CEP57L1: variants seen among roughly 807,000 people sequenced by gnomAD.
CEP57L1 encodes the protein centrosomal protein 57 like 1, also known as centrosomal protein CEP57L1.
In CEP57L1, 37 loss-of-function variants were observed where a neutral mutation model predicts 61.0. That is an observed-to-expected ratio of 0.61 (90% CI 0.47 to 0.80). CEP57L1 has a LOEUF of 0.80. Ranked by LOEUF, CEP57L1 falls within the 30% of genes least tolerant of loss-of-function variation. The probability of loss-of-function intolerance (pLI) is 0.00; values close to 1 mark genes in which losing one functional copy is unlikely to be tolerated. For synonymous variants in CEP57L1, 137 were observed against 162.3 expected (o/e 0.84, Z 1.19); for missense variants, 422 against 524.7 (o/e 0.80, Z 1.91).
intron 5 of CEP57L1, among the ~76,000 whole-genome samples, 185 bp from the exon 6 acceptor site, chr6:109,155,045 A>C (rs1773077124): frequency 6.6e-6 from 1 of 152,086 alleles, no homozygotes; most frequent in Non-Finnish European, 1.5e-5. Context: ...TAAAGAAGCA[A>C]AGAAAGAAGT....
chr6:109,160,993 C>T (rs916063176), intron 10 of CEP57L1, among the ~76,000 whole-genome samples: 1 of 152,174 alleles, frequency 6.6e-6, no homozygotes, highest in African/African-American at 2.4e-5. Context: ...GCAGACTAAA[C>T]TTGCCTTAGC....
intron 1 of CEP57L1, among the ~76,000 whole-genome samples, chr6:109,118,332 A>G (rs775207038): frequency 1.5e-4 from 23 of 152,178 alleles, no homozygotes; most frequent in Admixed American, 6.6e-5. Context: ...CCTGGCCAGT[A>G]AAATATATTT....
At chr6:109,157,754 G>A (rs1773350441) in intron 7 of CEP57L1, 1 of 152,162 alleles carries the variant, frequency 6.6e-6, no homozygotes, top group African/African-American at 2.4e-5. Context: ...CTATAAACAG[G>A]AACTATTGAA....
chr6:109,172,009 G>A lies in CEP57L1; in HGVS notation c.*9039G>A, dbSNP rs1196298981. ...TTCAGGATCAGTGATTCACTGGAGGGACTCACAGAACTCAGAAAAGCTGTT... is the reference window on the plus strand; with the variant it reads ...TTCAGGATCAGTGATTCACTGGAGGAACTCACAGAACTCAGAAAAGCTGTT... On this transcript the variant is annotated 3_prime_UTR_variant, in exon 11 of 11. Transcript: ENST00000517392. Among the ~76,000 whole-genome samples the A allele has an allele frequency of 1.3e-5, 2 of 152,036 alleles. No individual in the cohort carries two copies. Among genetic ancestry groups the A allele is most frequent in the East Asian group, 3.9e-4 (2 of 5,192 alleles).
At chr6:109,128,147 T>C (rs1360484401) in intron 1 of CEP57L1, among the ~76,000 whole-genome samples, 1 of 152,118 alleles carries the variant, frequency 6.6e-6, no homozygotes. Context: ...TCACCTAACC[T>C]CCAGATTCAT....
At chr6:109,140,179 G>A (rs1329969741) in intron 1 of CEP57L1, among the ~76,000 whole-genome samples, 1 of 151,876 alleles carries the variant, frequency 6.6e-6, no homozygotes, top group African/African-American at 2.4e-5. Flanking sequence ...TGCAACCTCC[G>A]CCTTCCGGGT....
intron 1 of CEP57L1, among the ~76,000 whole-genome samples, chr6:109,138,201 C>T (rs752733916): frequency 7.2e-5 from 11 of 152,064 alleles, no homozygotes; most frequent in Non-Finnish European, 1.6e-4. Context: ...CTGAGTAAGA[C>T]GTGAAGCCAT....
In CEP57L1 at chr6:109,159,368, G is replaced by T. The variant is rs1217441983; in HGVS notation, c.922G>T (p.Ala308Ser). Reference sequence around the variant, plus strand: ...TTCTAGAACAACTTCCTGGTGTAAAGCTATTCCTCCTGACTCAGAAAAGTC... The same window carrying T: ...TTCTAGAACAACTTCCTGGTGTAAATCTATTCCTCCTGACTCAGAAAAGTC... Reference protein sequence around the residue: ...KPSRTTSWCKAIPPDSEKSIS... With the variant: ...KPSRTTSWCKSIPPDSEKSIS... Residue 308 changes from alanine (A) to serine (S), a missense_variant, in exon 9 of 11, where the codon GCT (alanine) becomes TCT (serine). Physicochemically the swap from Ala to Ser is moderately conservative, Grantham distance 99. Coordinates refer to ENST00000517392, the MANE Select transcript of CEP57L1 (RefSeq NM_001271852.3). 1.2e-6 allele frequency: 2 copies of T among 1,613,984 alleles called. No homozygotes were observed. The highest frequency in any genetic ancestry group is 1.7e-6 in the Non-Finnish European group (2 of 1,179,942).
In CEP57L1 at chr6:109,160,597, A is replaced by G; in HGVS notation, c.1042A>G (p.Met348Val). The G allele has an allele frequency of 6.2e-7, 1 of 1,607,956 alleles. No homozygotes were observed. The highest frequency in any genetic ancestry group is 8.5e-7 in the Non-Finnish European group (1 of 1,177,808). ...GGAGCACCAAGAACTACTGAAACAA[A>G]TGAAGGAAACTGAAAGTCATTCAGT... ...SMEHQELLKQ[M>V]KETESHSVCD... Residue 348 changes from methionine (M) to valine (V), a missense_variant, in exon 10 of 11, where the codon ATG becomes GTG. Met to Val is a conservative substitution (Grantham distance 21). Transcript: ENST00000517392.
intron 1 of CEP57L1, among the ~76,000 whole-genome samples, chr6:109,143,803 G>T (rs1180963122): frequency 6.6e-6 from 1 of 152,096 alleles, no homozygotes; most frequent in African/African-American, 2.4e-5. Context: ...TATGTCATTG[G>T]AGAAACCCAC....
In CEP57L1 at chr6:109,166,783, A is replaced by T. The variant is rs764684236; in HGVS notation, c.*3813A>T. On this transcript the variant is annotated 3_prime_UTR_variant, in exon 11 of 11. Transcript: ENST00000517392. ...TAAGGGGGGAAGAGGCCAGTTGGTT[A>T]TGCACAATGGAAGGAGTGCATTGTG... Among the ~76,000 whole-genome samples the T allele has an allele frequency of 7.4e-4, 113 of 152,326 alleles. No homozygotes were observed. The highest frequency in any genetic ancestry group is 1.3e-3 in the Non-Finnish European group (89 of 68,022).
rs1423583794 is a variant in CEP57L1, at chr6:109,165,573, G to A, written c.*2603G>A. Among the ~76,000 whole-genome samples the A allele has an allele frequency of 1.3e-5, 2 of 152,130 alleles. No individual in the cohort carries two copies. Among genetic ancestry groups the A allele is most frequent in the African/African-American group, 4.8e-5 (2 of 41,426 alleles). On this transcript the variant is annotated 3_prime_UTR_variant, in exon 11 of 11. Coordinates refer to ENST00000517392, the MANE Select transcript of CEP57L1 (RefSeq NM_001271852.3). ...GGAAATGGCTTTGTCATCTTTCCTA[G>A]CCCAGGTTTCTAATGGGAGGGGGTA... is the stretch of plus-strand genomic sequence containing the variant.
intron 1 of CEP57L1, among the ~76,000 whole-genome samples, chr6:109,132,074 C>T (rs1266212735): frequency 6.6e-6 from 1 of 152,086 alleles, no homozygotes; most frequent in African/African-American, 2.4e-5. Flanking sequence ...CATCACAATC[C>T]GATGCTCATG....
At chr6:109,149,387 C>T (rs190419125) in intron 3 of CEP57L1, among the ~76,000 whole-genome samples, 6 of 152,290 alleles carry the variant, frequency 3.9e-5, no homozygotes, top group Admixed American at 2.0e-4. Context: ...ATCCTTTCCC[C>T]GTTGCTTGTT....
intron 1 of CEP57L1, among the ~76,000 whole-genome samples, chr6:109,124,464 G>C (rs1773323417): frequency 6.6e-6 from 1 of 152,192 alleles, no homozygotes; most frequent in Non-Finnish European, 1.5e-5. Context: ...TTTAGAGCCA[G>C]ACTGCCAAAT....
chr6:109,127,284 A>G (rs759767906), intron 1 of CEP57L1, among the ~76,000 whole-genome samples: 1 of 152,218 alleles, frequency 6.6e-6, no homozygotes, highest in African/African-American at 2.4e-5. Context: ...ATTAGTAGTT[A>G]TGAAATAAAC....
rs1260641676 is a variant in CEP57L1, at chr6:109,167,446, G to T, written c.*4476G>T. On this transcript the variant is annotated 3_prime_UTR_variant, in exon 11 of 11. Transcript: ENST00000517392. Reference sequence around the variant, plus strand: ...GCCTGTAATCCCAGCACTGTGAGAGGCCGAGGCAGGCGGATCACCTAAGTC... The same window carrying T: ...GCCTGTAATCCCAGCACTGTGAGAGTCCGAGGCAGGCGGATCACCTAAGTC... Among the ~76,000 whole-genome samples the T allele has an allele frequency of 6.6e-6, 1 of 152,052 alleles. No homozygotes were observed. Among genetic ancestry groups the T allele is most frequent in the South Asian group, 2.1e-4 (1 of 4,822 alleles).
chr6:109,144,292 C>A (rs944190689), intron 1 of CEP57L1, among the ~76,000 whole-genome samples: 1 of 152,056 alleles, frequency 6.6e-6, no homozygotes, highest in Non-Finnish European at 1.5e-5. Context: ...GTGGTGAAAT[C>A]ATGGAAAATG....
chr6:109,108,894 AT>A (rs1161193957), intron 1 of CEP57L1, among the ~76,000 whole-genome samples: 1 of 152,176 alleles, frequency 6.6e-6, no homozygotes, highest in East Asian at 1.9e-4. Context: ...TAACTTCGCA[AT>A]TTTTATGTGC....
Sources: allele counts gnomAD v4.1 joint callset (sites outside exome capture counted in the v4.1 genomes callset), GRCh38; gene constraint gnomAD v4.1.1; transcripts MANE v1.5; gene names NCBI Gene and HGNC (gene_info 2026-07-23, HGNC 2026-07-21).